FOXP4: variants seen among roughly 807,000 people sequenced by gnomAD.
FOXP4 encodes the protein forkhead box protein P4.
A neutral mutation model predicts 82.6 loss-of-function variants in FOXP4; 25 were observed. That is an observed-to-expected ratio of 0.30 (90% CI 0.22 to 0.42). FOXP4 has a LOEUF of 0.42. FOXP4 is among the 10% of genes least tolerant of loss of function. The probability of loss-of-function intolerance (pLI) is 1.00; values close to 1 mark genes in which losing one functional copy is unlikely to be tolerated. For synonymous variants in FOXP4, 415 were observed against 388.2 expected, an observed-to-expected ratio of 1.07 and a Z score of -0.81; for missense variants, 785 against 900.9, an observed-to-expected ratio of 0.87 and a Z score of 1.65.
Position 41,549,222 on chromosome 6 carries a change from TTTC to T in FOXP4, c.-17+2357_-17+2359del, listed in dbSNP as rs574787259. 5.9e-5 allele frequency among the ~76,000 whole-genome samples: 9 copies of T among 152,110 alleles called. No homozygotes were observed. The East Asian group carries it at 1.7e-3, about 29-fold the overall frequency. ...CAAGGGCTGGGCGCCTGGGTGGAGT[TTTC>T]TGTCCTTCTCCCTGTCCTGGACAGG... On this transcript the variant is annotated intron_variant, in intron 1 of 16. Transcript: ENST00000307972.
intron 2 of FOXP4, among the ~76,000 whole-genome samples, chr6:41,575,260 G>A (rs1230747696): frequency 1.3e-5 from 2 of 152,202 alleles, no homozygotes; most frequent in African/African-American, 2.4e-5. Flanking sequence ...GAGCCACTGC[G>A]CCTGGCTATC....
chr6:41,546,962 C>T (rs1404164734), intron 1 of FOXP4, 95 bp downstream of exon 1: 4 of 151,414 alleles, frequency 2.6e-5, no homozygotes, highest in Admixed American at 6.6e-5. Context: ...CGCTCGCTGG[C>T]TCACTTTGTG....
At chr6:41,549,426 C>T (rs1006889839) in intron 1 of FOXP4, among the ~76,000 whole-genome samples, 4 of 152,124 alleles carry the variant, frequency 2.6e-5, no homozygotes, top group Non-Finnish European at 5.9e-5. Context: ...CCCCAGCCCC[C>T]TTCCTCTGCC....
rs1311280289 is a variant in FOXP4, at chr6:41,577,982, G to C, written c.205-4G>C. On this transcript the variant is annotated splice_polypyrimidine_tract_variant and splice_region_variant and intron_variant, in intron 2 of 16. Coordinates refer to ENST00000307972, the MANE Select transcript of FOXP4 (RefSeq NM_001012426.2). ...CCATTGCTGACTCAGCCCCTGTCTT[G>C]CAGGCTCTCCAAGTGGCCCGGCAGT... 1 of 1,610,770 alleles carries C rather than the reference G, an allele frequency of 6.2e-7. No individual in the cohort carries two copies. The highest frequency in any genetic ancestry group is 1.3e-5 in the African/African-American group (1 of 74,862).
chr6:41,588,124 G>A (rs4711677), intron 8 of FOXP4, among the ~76,000 whole-genome samples: 58,852 of 151,970 alleles, frequency 0.39, 12,181 homozygotes, highest in African/African-American at 0.53. Flanking sequence ...CATCCCCAGC[G>A]CAGGGTGCGG....
intron 1 of FOXP4, among the ~76,000 whole-genome samples, chr6:41,555,045 T>C (rs1046485247): frequency 7.9e-5 from 12 of 151,924 alleles, no homozygotes; most frequent in Non-Finnish European, 1.5e-4. Flanking sequence ...TGAGCTCAGT[T>C]TGAGACCAGC....
At chr6:41,595,764 G>A (rs967660071) in intron 14 of FOXP4, among the ~76,000 whole-genome samples, 6 of 151,840 alleles carry the variant, frequency 4.0e-5, no homozygotes, top group African/African-American at 9.7e-5. Flanking sequence ...GACCACGCCC[G>A]GCTAATTTTT....
rs1302846397 is a variant in FOXP4, at chr6:41,599,635, G to C, written c.*699G>C. 6.6e-6 allele frequency: 1 copy of C among 152,360 alleles called. No individual in the cohort carries two copies. Among genetic ancestry groups the C allele is most frequent in the African/African-American group, 2.4e-5 (1 of 41,428 alleles). 9.4% of individuals were successfully genotyped at this position (152,360 alleles called of 1,614,324 possible). On this transcript the variant is annotated 3_prime_UTR_variant, in exon 17 of 17. Coordinates refer to ENST00000307972, the MANE Select transcript of FOXP4 (RefSeq NM_001012426.2). ...CTCCACCCCCACCCCCGTTTGCTGG[G>C]GGCTCCTCCAGCCGCCCCCATGGGA... is the stretch of plus-strand genomic sequence containing the variant.
At chr6:41,580,494 T>C (rs1765736133) in intron 3 of FOXP4, among the ~76,000 whole-genome samples, 1 of 152,200 alleles carries the variant, frequency 6.6e-6, no homozygotes, top group South Asian at 2.1e-4. Flanking sequence ...TCTCAGGGTC[T>C]CAGGGATATG....
intron 3 of FOXP4, 36 bp from the exon 4 acceptor site, chr6:41,584,733 G>C: frequency 6.5e-7 from 1 of 1,548,510 alleles, no homozygotes; most frequent in Non-Finnish European, 8.7e-7. Flanking sequence ...CTGGGTTGGG[G>C]TCCAGGGGAC....
At chr6:41,575,373 C>T (rs529412518) in intron 2 of FOXP4, among the ~76,000 whole-genome samples, 1 of 152,282 alleles carries the variant, frequency 6.6e-6, no homozygotes, top group South Asian at 2.1e-4. Flanking sequence ...TAGCCTGGTC[C>T]CTGGCACGCA....
intron 3 of FOXP4, among the ~76,000 whole-genome samples, chr6:41,578,498 T>A (rs1336110933): frequency 6.6e-6 from 1 of 152,146 alleles, no homozygotes; most frequent in African/African-American, 2.4e-5. Context: ...CCATCTCTGT[T>A]GCTGCAGTCA....
At chr6:41,585,376 G>A (rs1766046711) in intron 4 of FOXP4, 55 bp from the exon 5 acceptor site, 1 of 1,574,138 alleles carries the variant, frequency 6.4e-7, no homozygotes, top group Admixed American at 1.7e-5. Context: ...GGACAGGGCT[G>A]GGGTTGTGGG....
chr6:41,556,469 C>T lies in FOXP4; in HGVS notation c.-16-9276C>T, dbSNP rs1220905696. On this transcript the variant is annotated intron_variant, in intron 1 of 16. Transcript: ENST00000307972. The stretch of plus-strand genomic sequence containing the variant: ...CTCCTGAGTAGCTGGGACTTACAGG[C>T]GCCCGCCAACACGCCCAGCTAATTT... Among the ~76,000 whole-genome samples, 10 of 151,818 alleles carry T rather than the reference C, an allele frequency of 6.6e-5. No individual in the cohort carries two copies. In the South Asian group the frequency reaches 8.3e-4, roughly 13 times the overall value.
At chr6:41,595,406 CCCA>C (rs1419068575) in intron 14 of FOXP4, among the ~76,000 whole-genome samples, 1 of 151,908 alleles carries the variant, frequency 6.6e-6, no homozygotes, top group African/African-American at 2.4e-5. Context: ...GTCCCGCGAC[CCCA>C]CCAATTCATC....
chr6:41,581,251 C>T (rs1450883639), intron 3 of FOXP4, among the ~76,000 whole-genome samples: 1 of 152,040 alleles, frequency 6.6e-6, no homozygotes, highest in Admixed American at 6.5e-5. Flanking sequence ...CACAGGGACC[C>T]CATACTCAAG....
intron 3 of FOXP4, among the ~76,000 whole-genome samples, chr6:41,582,083 G>A (rs1211514921): frequency 6.6e-6 from 1 of 152,248 alleles, no homozygotes; most frequent in Non-Finnish European, 1.5e-5. Flanking sequence ...CACACCAGGG[G>A]AGGAGACAGA....
intron 1 of FOXP4, among the ~76,000 whole-genome samples, chr6:41,557,037 C>T (rs1263903041): frequency 1.3e-5 from 2 of 152,188 alleles, no homozygotes; most frequent in African/African-American, 2.4e-5. Context: ...CCGGCAAAAG[C>T]AAGGATTACG....
At chr6:41,584,672 C>T in intron 3 of FOXP4, 97 bp from the exon 4 acceptor site, 1 of 1,416,592 alleles carries the variant, frequency 7.1e-7, no homozygotes, top group South Asian at 1.5e-5. Flanking sequence ...GGCAGCCTCC[C>T]TGGGAGCCAC....
Sources: gnomAD v4.1 joint callset for allele counts (sites outside exome capture counted in the v4.1 genomes callset) on GRCh38, gnomAD v4.1.1 for gene constraint, MANE v1.5 for transcripts, NCBI Gene and HGNC (gene_info 2026-07-23, HGNC 2026-07-21) for gene names.